The following EIF4ENIF1 variants were observed in gnomAD, a reference collection of about 807,000 sequenced individuals.
The protein encoded by EIF4ENIF1 is eukaryotic translation initiation factor 4E nuclear import factor 1.
EIF4ENIF1 carries 23 observed loss-of-function variants against 110.5 expected under a neutral mutation model. That is an observed-to-expected ratio of 0.21 (90% CI 0.15 to 0.29). The LOEUF is 0.29. Among genes scored for constraint, EIF4ENIF1 ranks in the 10% least tolerant of loss-of-function variants. The pLI, the probability that EIF4ENIF1 is intolerant of heterozygous loss-of-function variation, is 1.00. For synonymous variants in EIF4ENIF1, 440 were observed against 437.0 expected, an observed-to-expected ratio of 1.01 and a Z score of -0.09; for missense variants, 1,031 against 1,221.1, an observed-to-expected ratio of 0.84 and a Z score of 2.32.
chr22:31,448,955 T>C (rs1030042069), intron 12 of EIF4ENIF1, among the ~76,000 whole-genome samples: 1 of 152,170 alleles, frequency 6.6e-6, no homozygotes, highest in African/African-American at 2.4e-5. Flanking sequence ...CATGAACATA[T>C]TCACCTAGAA....
At position 31,440,716 on chromosome 22, in the gene EIF4ENIF1, G is replaced by A; in HGVS notation, c.2704C>T (p.Leu902=). Residue 902 remains leucine (L), a synonymous_variant, in exon 18 of 19, where the codon CTA becomes TTA. Transcript: ENST00000330125. ...PLHLAMVQQQ[L]QRSVLHPPGS... The stretch of plus-strand genomic sequence containing the variant: ...TTCCTGAACCTACCTGAGCGCTGTA[G>A]CTGCTGTTGCACCATTGCCAGATGC... 1 of 1,613,892 alleles carries A rather than the reference G, an allele frequency of 6.2e-7. No individual in the cohort carries two copies. Among genetic ancestry groups the A allele is most frequent in the Non-Finnish European group, 8.5e-7 (1 of 1,179,854 alleles).
In EIF4ENIF1 at chr22:31,449,279, G is replaced by T; in HGVS notation, c.1768+69C>A. 9 of 1,524,958 alleles carry T rather than the reference G, an allele frequency of 5.9e-6. No homozygotes were observed. In the South Asian group the frequency reaches 1.1e-4, roughly 19 times the overall value. 94.5% of individuals were successfully genotyped at this position (1,524,958 alleles called of 1,614,324 possible). On this transcript the variant is annotated intron_variant, in intron 12 of 18. Coordinates refer to ENST00000330125, the MANE Select transcript of EIF4ENIF1 (RefSeq NM_019843.4). ...CCCACCTCGGCCTCCCAGAGTGCTG[G>T]AATTACAGGCATGAGCTACCGTGCC...
rs2050609495 is a variant in EIF4ENIF1 at position 31,450,371 on chromosome 22, CAAAAG to C, written c.1513-16_1513-12del. 6 of 1,610,846 alleles carry C rather than the reference CAAAAG, an allele frequency of 3.7e-6. No individual in the cohort carries two copies. Among genetic ancestry groups the C allele is most frequent in the African/African-American group, 1.3e-5 (1 of 74,816 alleles). Reference sequence around the variant, plus strand: ...GCTTTCAAGGTTTCGCTAAAAGAGTCAAAAGAAAACTGGTTTTAACTTTCTTAACT... The same window carrying C: ...GCTTTCAAGGTTTCGCTAAAAGAGTCAAAACTGGTTTTAACTTTCTTAACT... On this transcript the variant is annotated splice_polypyrimidine_tract_variant and intron_variant, in intron 10 of 18. Transcript: ENST00000330125.
rs77259404 is a variant in EIF4ENIF1 at position 31,485,736 on chromosome 22, G to A, written c.96+2887C>T. The stretch of plus-strand genomic sequence containing the variant: ...GGAGAATTGCTTGAACCCGGGAAGC[G>A]GAGGTTGCAGTGAGCCAAGATCGTG... On this transcript the variant is annotated intron_variant, in intron 2 of 18. Coordinates refer to ENST00000330125, the MANE Select transcript of EIF4ENIF1 (RefSeq NM_019843.4). Among the ~76,000 whole-genome samples the A allele has an allele frequency of 6.3e-3, 954 of 152,110 alleles. 1 individual carries two copies. Among genetic ancestry groups the A allele is most frequent in the Non-Finnish European group, 0.01 (694 of 67,986 alleles).
At chr22:31,486,914 C>A (rs1316488800) in intron 2 of EIF4ENIF1, among the ~76,000 whole-genome samples, 1 of 104,686 alleles carries the variant, frequency 9.6e-6, no homozygotes, top group Non-Finnish European at 2.0e-5. Context: ...AACCCCGTCT[C>A]TACTATAAAA....
chr22:31,484,691 G>A (rs562470978), intron 2 of EIF4ENIF1, among the ~76,000 whole-genome samples: 22 of 152,248 alleles, frequency 1.4e-4, no homozygotes, highest in Admixed American at 3.3e-4. Context: ...AAAATTAGCC[G>A]GGCGTGGTGG....
rs557573469 is a variant in EIF4ENIF1, at chr22:31,482,839, T to G, written c.96+5784A>C. 1.4e-4 allele frequency among the ~76,000 whole-genome samples: 21 copies of G among 150,580 alleles called. No homozygotes were observed. In the South Asian group the frequency reaches 1.7e-3, roughly 12 times the overall value. ...GAGATCGAGACCATCCTGGCCAACA[T>G]GGTGAAACCCCATCTCTACTAAAAT... On this transcript the variant is annotated intron_variant, in intron 2 of 18. Transcript: ENST00000330125.
At chr22:31,457,105 G>A (rs2050854670) in intron 7 of EIF4ENIF1, among the ~76,000 whole-genome samples, 1 of 152,212 alleles carries the variant, frequency 6.6e-6, no homozygotes, top group Non-Finnish European at 1.5e-5. Flanking sequence ...AGCTCATAAA[G>A]ACTGTAATTC....
At chr22:31,458,861 G>A (rs927806027) in intron 6 of EIF4ENIF1, among the ~76,000 whole-genome samples, 12 of 151,848 alleles carry the variant, frequency 7.9e-5, no homozygotes, top group Admixed American at 3.3e-4. Flanking sequence ...GAATACCAAT[G>A]GGATGTGGGG....
intron 3 of EIF4ENIF1, among the ~76,000 whole-genome samples, chr22:31,469,503 C>T (rs946088280): frequency 6.6e-6 from 1 of 152,128 alleles, no homozygotes; most frequent in Non-Finnish European, 1.5e-5. Flanking sequence ...GTCTCAAACT[C>T]CTCACAATAA....
At chr22:31,450,191 G>T in intron 11 of EIF4ENIF1, 98 bp downstream of exon 11, 1 of 913,570 alleles carries the variant, frequency 1.1e-6, no homozygotes, top group South Asian at 1.4e-5. Flanking sequence ...AGGCAACACA[G>T]ATCATTTTCT....
rs375406342 is a variant in EIF4ENIF1 at position 31,483,585 on chromosome 22, G to A, written c.96+5038C>T. Among the ~76,000 whole-genome samples, 78 of 152,086 alleles carry A rather than the reference G, an allele frequency of 5.1e-4. 2 individuals carry two copies. In the South Asian group the frequency reaches 0.014, roughly 28 times the overall value. On this transcript the variant is annotated intron_variant, in intron 2 of 18. Coordinates refer to ENST00000330125, the MANE Select transcript of EIF4ENIF1 (RefSeq NM_019843.4). ...CCTGAAGAGCTTGTTAAATGCAGAC[G>A]GTTAAGCTCTACTCCCCAAGTTTCT...
At chr22:31,469,165 ACT>A (rs1249587403) in intron 3 of EIF4ENIF1, among the ~76,000 whole-genome samples, 1 of 151,954 alleles carries the variant, frequency 6.6e-6, no homozygotes, top group Non-Finnish European at 1.5e-5. Context: ...ACGAGCAGAA[ACT>A]CTGGAGCCCA....
At chr22:31,487,395 A>G (rs2052073271) in intron 2 of EIF4ENIF1, among the ~76,000 whole-genome samples, 1 of 152,206 alleles carries the variant, frequency 6.6e-6, no homozygotes, top group African/African-American at 2.4e-5. Context: ...AGTATTTGAT[A>G]CTTTATCAAG....
chr22:31,438,479 A>T (rs2050205796), downstream of EIF4ENIF1, among the ~76,000 whole-genome samples: 1 of 152,176 alleles, frequency 6.6e-6, no homozygotes, highest in African/African-American at 2.4e-5. Flanking sequence ...GAGCTTAGAG[A>T]AACAGGATGC....
chr22:31,462,816 C>T, intron 6 of EIF4ENIF1, 116 bp downstream of exon 6: 1 of 1,057,014 alleles, frequency 9.5e-7, no homozygotes, highest in East Asian at 2.5e-5. Context: ...CTCCTGACCT[C>T]AGGTGATCCG....
At chr22:31,458,678 T>C in intron 6 of EIF4ENIF1, 28 bp from the exon 7 acceptor site, 1 of 1,548,120 alleles carries the variant, frequency 6.5e-7, no homozygotes, top group East Asian at 2.3e-5. Context: ...ACAAAAACCG[T>C]CTGATAAGTA....
chr22:31,493,056 C>T (rs1054450742), upstream of EIF4ENIF1, among the ~76,000 whole-genome samples: 1 of 147,486 alleles, frequency 6.8e-6, no homozygotes, highest in Admixed American at 6.8e-5. Flanking sequence ...TTTTTTGAGA[C>T]GGAGTCTCGC....
At chr22:31,440,161 G>C (rs748942320) in intron 18 of EIF4ENIF1, 40 bp from the exon 19 acceptor site, 1 of 1,613,796 alleles carries the variant, frequency 6.2e-7, no homozygotes, top group Non-Finnish European at 8.5e-7. Context: ...AGCATGAGAA[G>C]GAAAGTTTAT....
Sources: allele counts gnomAD v4.1 joint callset (sites outside exome capture counted in the v4.1 genomes callset), GRCh38; gene constraint gnomAD v4.1.1; transcripts MANE v1.5; gene names NCBI Gene and HGNC (gene_info 2026-07-23, HGNC 2026-07-21).